Variants in CHSY3 observed in about 807,000 individuals in gnomAD.
CHSY3 encodes the protein chondroitin sulfate synthase 3.
Under a neutral mutation model 67.2 loss-of-function variants are expected in CHSY3, and 35 were observed. The ratio of observed to expected loss-of-function variants is 0.52; its 90% CI spans 0.40 to 0.69. CHSY3 has a LOEUF of 0.69. Ranked by LOEUF, CHSY3 falls within the 30% of genes least tolerant of loss-of-function variation. CHSY3 has a pLI of 0.00. For missense variants in CHSY3, 1,069 were observed against 1,138.5 expected (o/e 0.94, Z 0.88); for synonymous variants, 474 against 434.7 (o/e 1.09, Z -1.12).
At chr5:129,942,958 A>C (rs1342767746) in intron 2 of CHSY3, among the ~76,000 whole-genome samples, 2 of 152,154 alleles carry the variant, frequency 1.3e-5, no homozygotes, top group Non-Finnish European at 2.9e-5. Context: ...AAAGAGTGAC[A>C]TTTGCATTCG....
rs1223966105 is a variant in CHSY3, at chr5:130,143,734, G to GTGTATATATATA, written c.1087-40494_1087-40493insGTATATATATAT. On this transcript the variant is annotated intron_variant, in intron 2 of 2. Transcript: ENST00000305031. ...TATATATATATATGTGTGTGTGTGT[G>GTGTATATATATA]TATATATATATATATATATATATGT... is the stretch of plus-strand genomic sequence containing the variant. Among the ~76,000 whole-genome samples the GTGTATATATATA allele has an allele frequency of 8.6e-4, 81 of 94,654 alleles. 1 individual carries two copies. Among genetic ancestry groups the GTGTATATATATA allele is most frequent in the Non-Finnish European group, 1.3e-3 (65 of 50,278 alleles). The allele number at this position is 94,654 out of a possible 152,430, so 62.1% of individuals were successfully genotyped here.
chr5:130,087,996 C>G (rs1580721151), intron 2 of CHSY3, among the ~76,000 whole-genome samples: 1 of 152,196 alleles, frequency 6.6e-6, no homozygotes, highest in East Asian at 1.9e-4. Context: ...ACCAAAACAA[C>G]ATGGTAGTGG....
chr5:130,012,362 A>G (rs1298211875), intron 2 of CHSY3, among the ~76,000 whole-genome samples: 1 of 152,224 alleles, frequency 6.6e-6, no homozygotes, highest in African/African-American at 2.4e-5. Context: ...TGCTTATTCT[A>G]TACATAATAC....
At chr5:129,968,602 C>CT (rs1018161602) in intron 2 of CHSY3, among the ~76,000 whole-genome samples, 9 of 151,752 alleles carry the variant, frequency 5.9e-5, no homozygotes, top group Admixed American at 2.6e-4. Context: ...TGGTTTCTCA[C>CT]TAGTTCCTTA....
chr5:129,976,913 CAT>C (rs5871372), intron 2 of CHSY3, among the ~76,000 whole-genome samples: 56,747 of 146,328 alleles, frequency 0.39, 10,840 homozygotes, highest in South Asian at 0.45. Flanking sequence ...ATAGAGAAGA[CAT>C]ATATATATAT....
chr5:129,928,371 T>C (rs1042272881), intron 2 of CHSY3, among the ~76,000 whole-genome samples: 80 of 152,224 alleles, frequency 5.3e-4, no homozygotes, highest in African/African-American at 1.9e-3. Flanking sequence ...AAAACAAGTT[T>C]TTTTATTTAA....
At chr5:129,921,265 C>A (rs1025858750) in intron 2 of CHSY3, among the ~76,000 whole-genome samples, 5 of 152,154 alleles carry the variant, frequency 3.3e-5, no homozygotes, top group African/African-American at 1.2e-4. Flanking sequence ...TGCACAAGCA[C>A]TATGATACCT....
chr5:129,988,343 AT>A (rs1763263812), intron 2 of CHSY3, among the ~76,000 whole-genome samples: 1 of 152,322 alleles, frequency 6.6e-6, no homozygotes, highest in African/African-American at 2.4e-5. Flanking sequence ...AAAGTTATTA[AT>A]GTTTTCTTCT....
intron 2 of CHSY3, among the ~76,000 whole-genome samples, chr5:130,084,667 T>C (rs1025652593): frequency 7.9e-5 from 12 of 151,962 alleles, no homozygotes. Context: ...TTTCCAGTTG[T>C]GCTGTTCTGA....
intron 2 of CHSY3, among the ~76,000 whole-genome samples, chr5:130,050,738 T>C (rs766109437): frequency 2.8e-4 from 43 of 152,136 alleles, no homozygotes; most frequent in Non-Finnish European, 8.8e-5. Flanking sequence ...TATGTAAATG[T>C]ACTCATCTTC....
At position 129,904,511 on chromosome 5, in the gene CHSY3, G is replaced by C. The variant is rs1416685060; in HGVS notation, c.-319G>C. Reference sequence around the variant, plus strand: ...GAGCGGACGCGTTGCCGCCGCCGCTGCTCCTCCTCCTCCTCCTGCAGCTCC... The same window carrying C: ...GAGCGGACGCGTTGCCGCCGCCGCTCCTCCTCCTCCTCCTCCTGCAGCTCC... On this transcript the variant is annotated 5_prime_UTR_variant, in exon 1 of 3. Coordinates refer to ENST00000305031, the MANE Select transcript of CHSY3 (RefSeq NM_175856.5). 3 of 263,512 alleles carry C rather than the reference G, an allele frequency of 1.1e-5. No individual in the cohort carries two copies. Among genetic ancestry groups the C allele is most frequent in the Non-Finnish European group, 2.1e-5 (3 of 143,206 alleles). 16.3% of individuals were successfully genotyped at this position (263,512 alleles called of 1,614,324 possible). A position where few individuals can be genotyped will look rare whatever the true frequency, so the allele number is the denominator to read the frequency against.
chr5:130,178,615 A>AT (rs982153218), intron 2 of CHSY3, among the ~76,000 whole-genome samples: 3 of 152,036 alleles, frequency 2.0e-5, no homozygotes, highest in East Asian at 1.9e-4. Flanking sequence ...TTCATTATAC[A>AT]TTTTTTTGTC....
At chr5:129,927,820 G>A (rs1761167192) in intron 2 of CHSY3, among the ~76,000 whole-genome samples, 1 of 151,674 alleles carries the variant, frequency 6.6e-6, no homozygotes, top group Admixed American at 6.6e-5. Flanking sequence ...TTAAAGGATT[G>A]GAGTGGTTAA....
At chr5:129,940,471 TG>T (rs1484181979) in intron 2 of CHSY3, among the ~76,000 whole-genome samples, 18 of 152,158 alleles carry the variant, frequency 1.2e-4, no homozygotes, top group Non-Finnish European at 2.2e-4. Context: ...AACCTGTAGA[TG>T]CTATGTTAAC....
At chr5:130,182,724 C>A (rs770663616) in intron 2 of CHSY3, among the ~76,000 whole-genome samples, 1 of 151,902 alleles carries the variant, frequency 6.6e-6, no homozygotes, top group Admixed American at 6.6e-5. Flanking sequence ...ACTGATCTGG[C>A]ACTAATTACT....
At chr5:130,170,102 C>G (rs1000914815) in intron 2 of CHSY3, among the ~76,000 whole-genome samples, 2 of 151,972 alleles carry the variant, frequency 1.3e-5, no homozygotes, top group African/African-American at 2.4e-5. Context: ...AATACTGTAT[C>G]CGAAAGATAA....
At chr5:129,955,917 A>G (rs1273901074) in intron 2 of CHSY3, among the ~76,000 whole-genome samples, 2 of 152,202 alleles carry the variant, frequency 1.3e-5, no homozygotes, top group East Asian at 1.9e-4. Context: ...TACAAGTACC[A>G]CATTCTCTTT....
intron 2 of CHSY3, among the ~76,000 whole-genome samples, chr5:130,080,944 A>G (rs1032706201): frequency 5.9e-5 from 9 of 152,046 alleles, no homozygotes; most frequent in Admixed American, 1.3e-4. Context: ...CCGCCACACA[A>G]TGGGGTACAG....
At chr5:129,921,635 C>T (rs987831404) in intron 2 of CHSY3, among the ~76,000 whole-genome samples, 4 of 152,158 alleles carry the variant, frequency 2.6e-5, no homozygotes, top group East Asian at 1.9e-4. Flanking sequence ...ATTAGCATAA[C>T]GTTCTCCAAT....
Sources: allele counts gnomAD v4.1 joint callset (sites outside exome capture counted in the v4.1 genomes callset), GRCh38; gene constraint gnomAD v4.1.1; transcripts MANE v1.5; gene names NCBI Gene and HGNC (gene_info 2026-07-23, HGNC 2026-07-21).